SEMA3A: variants seen among roughly 807,000 people sequenced by gnomAD.
SEMA3A encodes the protein semaphorin-3A.
A neutral mutation model predicts 97.9 loss-of-function variants in SEMA3A; 29 were observed. The ratio of observed to expected loss-of-function variants is 0.30; its 90% CI spans 0.22 to 0.40. SEMA3A has a LOEUF of 0.40. Ranked by LOEUF, SEMA3A falls within the 10% of genes least tolerant of loss-of-function variation. SEMA3A has a pLI of 1.00. For synonymous variants in SEMA3A, 321 were observed against 323.7 expected (o/e 0.99, Z 0.09); for missense variants, 763 against 951.3 (o/e 0.80, Z 2.60).
chr7:84,360,835 C>T (rs777752039), intron 2 of SEMA3A, among the ~76,000 whole-genome samples: 11 of 151,600 alleles, frequency 7.3e-5, no homozygotes, highest in Admixed American at 7.3e-4. Flanking sequence ...GCTGTGTCAC[C>T]CAGGCTGGAG....
At chr7:84,066,809 G>A (rs1793522356) in intron 4 of SEMA3A, among the ~76,000 whole-genome samples, 1 of 152,044 alleles carries the variant, frequency 6.6e-6, no homozygotes, top group African/African-American at 2.4e-5. Flanking sequence ...ATGCTCATGG[G>A]TAGGAAGAAT....
chr7:84,344,451 AAGGAG>A (rs2115999504), intron 2 of SEMA3A, among the ~76,000 whole-genome samples: 1 of 152,294 alleles, frequency 6.6e-6, no homozygotes, highest in East Asian at 1.9e-4. Context: ...CAGTGCAGAG[AAGGAG>A]AGAAGACCCA....
In SEMA3A at chr7:84,274,475, G is replaced by A. The variant is rs569840248; in HGVS notation, c.-83+32732C>T. ...CAGTCTGAGAGGGAACACATTCCCAGGCTGAAAGGGGTTGCCCGGAACAAT... is the reference window on the plus strand; with the variant it reads ...CAGTCTGAGAGGGAACACATTCCCAAGCTGAAAGGGGTTGCCCGGAACAAT... On this transcript the variant is annotated intron_variant, in intron 3 of 3. Coordinates refer to the SEMA3A transcript ENST00000424555. Among the ~76,000 whole-genome samples, 4 of 152,228 alleles carry A rather than the reference G, an allele frequency of 2.6e-5. No homozygotes were observed. In the South Asian group the frequency reaches 8.3e-4, roughly 32 times the overall value.
intron 4 of SEMA3A, among the ~76,000 whole-genome samples, chr7:84,103,753 A>G (rs1795025065): frequency 6.9e-6 from 1 of 144,628 alleles, no homozygotes; most frequent in Admixed American, 6.7e-5. Flanking sequence ...AAAATAAAAC[A>G]TAGAACTAGA....
intron 2 of SEMA3A, among the ~76,000 whole-genome samples, chr7:84,329,786 A>G (rs1428121026): frequency 6.6e-6 from 1 of 152,070 alleles, no homozygotes; most frequent in Non-Finnish European, 1.5e-5. Flanking sequence ...GAGGGAACAC[A>G]GTGTATAATT....
At chr7:84,081,230 A>C (rs1334388479) in intron 4 of SEMA3A, among the ~76,000 whole-genome samples, 1 of 152,032 alleles carries the variant, frequency 6.6e-6, no homozygotes, top group Non-Finnish European at 1.5e-5. Context: ...ATAGGCAAGA[A>C]AAATTGGGCA....
chr7:84,101,242 T>C (rs776617484), intron 4 of SEMA3A, among the ~76,000 whole-genome samples: 1 of 151,548 alleles, frequency 6.6e-6, no homozygotes, highest in African/African-American at 2.4e-5. Context: ...GTCCTTTCCA[T>C]ATAAAAAGCT....
intron 1 of SEMA3A, among the ~76,000 whole-genome samples, chr7:84,408,559 T>C (rs1373702096): frequency 1.3e-5 from 2 of 152,052 alleles, no homozygotes; most frequent in Non-Finnish European, 2.9e-5. Flanking sequence ...ACCCAAAGGA[T>C]TATAAATCAT....
intron 1 of SEMA3A, among the ~76,000 whole-genome samples, chr7:84,154,027 G>A (rs951335795): frequency 2.6e-5 from 4 of 151,820 alleles, no homozygotes; most frequent in East Asian, 3.9e-4. Context: ...TACATATTTC[G>A]TTATATTAAT....
intron 2 of SEMA3A, among the ~76,000 whole-genome samples, chr7:84,345,949 T>A (rs1446621280): frequency 6.6e-6 from 1 of 152,204 alleles, no homozygotes; most frequent in Non-Finnish European, 1.5e-5. Context: ...GTCCTAGGCA[T>A]CTTCTTCCAT....
At chr7:84,146,584 G>T (rs1796469235) in intron 1 of SEMA3A, among the ~76,000 whole-genome samples, 1 of 152,012 alleles carries the variant, frequency 6.6e-6, no homozygotes, top group Non-Finnish European at 1.5e-5. Context: ...ACTTCTTGAG[G>T]GAATAACTAG....
intron 3 of SEMA3A, among the ~76,000 whole-genome samples, chr7:84,244,038 A>C (rs994691065): frequency 6.6e-5 from 10 of 152,104 alleles, no homozygotes; most frequent in Non-Finnish European, 1.0e-4. Flanking sequence ...TTTAGAATAA[A>C]TGTGATGTGG....
At chr7:84,306,875 T>C (rs777316674) in intron 3 of SEMA3A, among the ~76,000 whole-genome samples, 27 of 152,118 alleles carry the variant, frequency 1.8e-4, no homozygotes, top group Non-Finnish European at 4.4e-5. Flanking sequence ...TATGCTCACA[T>C]TCCAGCTATC....
chr7:84,329,156 G>A (rs1423871678), intron 2 of SEMA3A, among the ~76,000 whole-genome samples: 1 of 151,912 alleles, frequency 6.6e-6, no homozygotes, highest in South Asian at 2.1e-4. Flanking sequence ...TGTGAAGGGG[G>A]TAAGAGAAAT....
chr7:84,053,748 T>C (rs981775871), intron 5 of SEMA3A, among the ~76,000 whole-genome samples: 2 of 149,282 alleles, frequency 1.3e-5, no homozygotes, highest in Non-Finnish European at 3.0e-5. Flanking sequence ...AATTTGATCC[T>C]GTCATTATGA....
intron 3 of SEMA3A, among the ~76,000 whole-genome samples, chr7:84,252,405 C>A (rs942157411): frequency 9.2e-5 from 14 of 152,116 alleles, no homozygotes; most frequent in African/African-American, 3.1e-4. Context: ...CGCAATAACA[C>A]AGAAAGAAAG....
At chr7:84,485,778 C>G (rs900231210) in intron 1 of SEMA3A, among the ~76,000 whole-genome samples, 2 of 152,098 alleles carry the variant, frequency 1.3e-5, no homozygotes, top group African/African-American at 4.8e-5. Flanking sequence ...AAACTTAATT[C>G]AAAGGTTTAG....
chr7:84,236,832 T>C (rs1799246611), intron 3 of SEMA3A, among the ~76,000 whole-genome samples: 1 of 152,058 alleles, frequency 6.6e-6, no homozygotes, highest in African/African-American at 2.4e-5. Context: ...ACATCTGAGG[T>C]AGAAAATATT....
chr7:84,351,310 C>A lies in SEMA3A; in HGVS notation c.-169+20514G>T, dbSNP rs548605010. Among the ~76,000 whole-genome samples the A allele has an allele frequency of 1.1e-4, 16 of 152,216 alleles. No homozygotes were observed. In the South Asian group the frequency reaches 3.3e-3, roughly 32 times the overall value. ...TTTGCTTGGTTTCCTCCAAAGATGT[C>A]ACACCTTGCGTAAGCCTTTGAAAAA... is the stretch of plus-strand genomic sequence containing the variant. On this transcript the variant is annotated intron_variant, in intron 2 of 3. Transcript: ENST00000424555.
Sources: gnomAD v4.1 joint callset for allele counts (sites outside exome capture counted in the v4.1 genomes callset) on GRCh38, gnomAD v4.1.1 for gene constraint, MANE v1.5 for transcripts, NCBI Gene and HGNC (gene_info 2026-07-23, HGNC 2026-07-21) for gene names.